NKD1: variants seen among roughly 807,000 people sequenced by gnomAD.
The protein encoded by NKD1 is protein naked cuticle homolog 1.
Under a neutral mutation model 56.0 loss-of-function variants are expected in NKD1, and 21 were observed. The observed-to-expected ratio is 0.38, with a 90% CI of 0.27 to 0.54. The LOEUF is 0.54. Ranked by LOEUF, NKD1 falls within the 20% of genes least tolerant of loss-of-function variation. The pLI is 0.82. For missense variants in NKD1, 578 were observed against 642.7 expected, an observed-to-expected ratio of 0.90 and a Z score of 1.09; for synonymous variants, 263 against 265.7, an observed-to-expected ratio of 0.99 and a Z score of 0.10.
Position 50,647,642 on chromosome 16 carries a change from AC to A in NKD1, c.*13864del, listed in dbSNP as rs1442701080. ...AGGGAGGGAGCTGAGGTATTTACCC[AC>A]CCATCCTTGTCAGTCATTGGTCAAG... On this transcript the variant is annotated 3_prime_UTR_variant, in exon 10 of 10. Coordinates refer to ENST00000268459, the MANE Select transcript of NKD1 (RefSeq NM_033119.5). 1 of 152,228 alleles carries A rather than the reference AC, an allele frequency of 6.6e-6. No individual in the cohort carries two copies. The highest frequency in any genetic ancestry group is 6.5e-5 in the Admixed American group (1 of 15,276). The allele number at this position is 152,228 out of a possible 1,614,324, so 9.4% of individuals were successfully genotyped here. A position where few individuals can be genotyped will look rare whatever the true frequency, so the allele number is the denominator to read the frequency against.
At chr16:50,630,715 G>A in intron 7 of NKD1, 111 bp from the exon 8 acceptor site, 1 of 906,496 alleles carries the variant, frequency 1.1e-6, no homozygotes, top group East Asian at 2.7e-5. Context: ...CCCCAGCTCA[G>A]GGAACCCTCC....
At chr16:50,630,032 C>T (rs113712040) in intron 6 of NKD1, among the ~76,000 whole-genome samples, 154 bp from the exon 7 acceptor site, 12 of 152,326 alleles carry the variant, frequency 7.9e-5, no homozygotes, top group African/African-American at 2.4e-4. Context: ...GATCTCCTCC[C>T]AAACGAACCT....
At chr16:50,573,156 GA>G (rs1322136142) in intron 3 of NKD1, among the ~76,000 whole-genome samples, 8 of 152,184 alleles carry the variant, frequency 5.3e-5, no homozygotes, top group African/African-American at 1.9e-4. Flanking sequence ...CCTCCAAGAA[GA>G]AAGTCCTTTC....
intron 3 of NKD1, among the ~76,000 whole-genome samples, chr16:50,589,458 G>A (rs559525321): frequency 2.0e-5 from 3 of 152,258 alleles, no homozygotes; most frequent in African/African-American, 7.2e-5. Context: ...GCCCTGAGGT[G>A]CTGCACGGTG....
At chr16:50,629,070 A>T (rs530479967) in intron 6 of NKD1, among the ~76,000 whole-genome samples, 1 of 150,992 alleles carries the variant, frequency 6.6e-6, no homozygotes. Context: ...GGCTCAAATG[A>T]TCCTCCCACC....
chr16:50,634,393 C>T lies in NKD1; in HGVS notation c.*612C>T, dbSNP rs1962423042. ...TTCCAGTGGGATCAAGCCCTTTTCC[C>T]CAAGAGTCCCATCTCTTCTGCCATG... is the stretch of plus-strand genomic sequence containing the variant. On this transcript the variant is annotated 3_prime_UTR_variant, in exon 10 of 10. Coordinates refer to ENST00000268459, the MANE Select transcript of NKD1 (RefSeq NM_033119.5). 1 of 152,508 alleles carries T rather than the reference C, an allele frequency of 6.6e-6. No homozygotes were observed. Among genetic ancestry groups the T allele is most frequent in the Non-Finnish European group, 1.5e-5 (1 of 68,044 alleles). The allele number at this position is 152,508 out of a possible 1,614,324, so 9.4% of individuals were successfully genotyped here.
In NKD1 at chr16:50,633,410, TC is replaced by T; in HGVS notation, c.1047del (p.Lys350ArgfsTer45). 1 of 1,612,880 alleles carries T rather than the reference TC, an allele frequency of 6.2e-7. No individual in the cohort carries two copies. The highest frequency in any genetic ancestry group is 8.5e-7 in the Non-Finnish European group (1 of 1,179,520). ...GGACGGGAGCAAGCACTTTGTGAGG[TC>T]CCCCAAGGCCCAGGGCAAGAGTGTG... ...TQDGSKHFVR[S>X]PKAQGKSVGV... On this transcript the variant is annotated frameshift_variant, in exon 10 of 10. Transcript: ENST00000268459. LOFTEE classifies it high-confidence loss of function. The surrounding 1 kb of genome is among the most constrained non-coding windows in gnomAD (Gnocchi z 4.9).
chr16:50,630,872 C>T lies in NKD1; in HGVS notation c.657C>T (p.Asp219=), dbSNP rs117249474. Residue 219 remains aspartate (D), a synonymous_variant, in exon 8 of 10, where the codon GAC becomes GAT. Coordinates refer to ENST00000268459, the MANE Select transcript of NKD1 (RefSeq NM_033119.5). ...RPRAETKPTE[D]LRSWEKKQRA... ...GAGCAGAGACCAAGCCCACTGAGGA[C>T]CTGCGGAGCTGGGAGAAGAAGCAGC... The T allele has an allele frequency of 1.8e-4, 297 of 1,606,702 alleles. No homozygotes were observed. The highest frequency in any genetic ancestry group is 5.0e-4 in the Middle Eastern group (3 of 6,048).
rs778288975 is a variant in NKD1, at chr16:50,643,016, C to T, written c.*9235C>T. On this transcript the variant is annotated 3_prime_UTR_variant, in exon 10 of 10. Coordinates refer to ENST00000268459, the MANE Select transcript of NKD1 (RefSeq NM_033119.5). Reference sequence around the variant, plus strand: ...GACTATGGGGGTGGCAGCTCTAAGTCCTACAAACAGTAGGGGTAGTGGTGG... The same window carrying T: ...GACTATGGGGGTGGCAGCTCTAAGTTCTACAAACAGTAGGGGTAGTGGTGG... The T allele has an allele frequency of 2.0e-5, 3 of 152,220 alleles. No individual in the cohort carries two copies. Among genetic ancestry groups the T allele is most frequent in the Non-Finnish European group, 4.4e-5 (3 of 68,068 alleles). 9.4% of individuals were successfully genotyped at this position (152,220 alleles called of 1,614,324 possible).
chr16:50,623,728 T>G lies in NKD1; in HGVS notation c.367-1757T>G, dbSNP rs546192964. ...CTGTCTTGGAAACAGGTAAGTGCTG[T>G]GTGTGTGTGTGTGTGTGTGTGTGTG... On this transcript the variant is annotated intron_variant, in intron 5 of 9. Coordinates refer to ENST00000268459, the MANE Select transcript of NKD1 (RefSeq NM_033119.5). This position sits in a 1 kb window ranked among gnomAD's most constrained non-coding sequence, Gnocchi z 4.1. Among the ~76,000 whole-genome samples the G allele has an allele frequency of 5.4e-3, 535 of 99,402 alleles. 1 individual carries two copies. Among genetic ancestry groups the G allele is most frequent in the Admixed American group, 8.7e-3 (88 of 10,170 alleles). The allele number at this position is 99,402 out of a possible 152,430, so 65.2% of individuals were successfully genotyped here.
intron 6 of NKD1, among the ~76,000 whole-genome samples, chr16:50,627,011 T>G (rs1444442348): frequency 6.6e-6 from 1 of 152,182 alleles, no homozygotes; most frequent in Non-Finnish European, 1.5e-5. Flanking sequence ...ATGTGAATTC[T>G]GGGTTAACAA....
intron 3 of NKD1, among the ~76,000 whole-genome samples, chr16:50,564,602 T>C (rs1360093575): frequency 1.3e-5 from 2 of 152,192 alleles, no homozygotes; most frequent in African/African-American, 4.8e-5. Flanking sequence ...GATTGGCACA[T>C]GGCAGATCCT....
rs1962132033 is a variant in NKD1, at chr16:50,623,189, G to A, written c.366+1481G>A. Among the ~76,000 whole-genome samples, 1 of 152,026 alleles carries A rather than the reference G, an allele frequency of 6.6e-6. No individual in the cohort carries two copies. The highest frequency in any genetic ancestry group is 1.5e-5 in the Non-Finnish European group (1 of 67,958). On this transcript the variant is annotated intron_variant, in intron 5 of 9. Transcript: ENST00000268459. This position sits in a 1 kb window ranked among gnomAD's most constrained non-coding sequence, Gnocchi z 4.1. ...GCCTGTGCTGGATGGTGGGACATGG[G>A]GGAGACGCCCTGTGTGCAGGGTCTC...
At chr16:50,572,908 C>T (rs927430034) in intron 3 of NKD1, 3 of 982,180 alleles carry the variant, frequency 3.1e-6, no homozygotes, top group Non-Finnish European at 3.6e-6. Flanking sequence ...CTGACCTGCC[C>T]CGTGCAGAAG....
In NKD1 at chr16:50,648,624, A is replaced by G. The variant is rs1027961410; in HGVS notation, c.*14843A>G. On this transcript the variant is annotated 3_prime_UTR_variant, in exon 10 of 10. Transcript: ENST00000268459. ...GGAAGCTAGTTGCTCCCCTGAATAC[A>G]CTCTTTCTTCCTTGTAATACAGCCT... The G allele has an allele frequency of 6.6e-6, 1 of 151,900 alleles. No individual in the cohort carries two copies. The highest frequency in any genetic ancestry group is 1.9e-4 in the East Asian group (1 of 5,188). The allele number at this position is 151,900 out of a possible 1,614,324, so 9.4% of individuals were successfully genotyped here.
intron 3 of NKD1, chr16:50,607,766 T>A (rs1961746147): frequency 6.4e-6 from 1 of 155,770 alleles, no homozygotes; most frequent in East Asian, 1.8e-4. Flanking sequence ...AGAATACCAA[T>A]AAATACAGAA....
intron 2 of NKD1, 106 bp downstream of exon 2, chr16:50,548,855 C>T: frequency 8.1e-7 from 1 of 1,230,076 alleles, no homozygotes. Flanking sequence ...CACCCCGAAG[C>T]CCCAGTTCCG....
At chr16:50,610,675 G>A (rs901987377) in intron 4 of NKD1, among the ~76,000 whole-genome samples, 6 of 152,210 alleles carry the variant, frequency 3.9e-5, no homozygotes, top group Non-Finnish European at 5.9e-5. Context: ...GGCCATCTGA[G>A]GCGTGAAGAT....
At chr16:50,562,989 C>T (rs56176219) in intron 3 of NKD1, among the ~76,000 whole-genome samples, 9 of 119,592 alleles carry the variant, frequency 7.5e-5, no homozygotes, top group African/African-American at 2.8e-4. Context: ...CACCACCACC[C>T]CCCCCCCCCG....
Sources: gnomAD v4.1 joint callset for allele counts (sites outside exome capture counted in the v4.1 genomes callset) on GRCh38, gnomAD v4.1.1 for gene constraint, Gnocchi (gnomAD v3.1) non-coding constraint, MANE v1.5 for transcripts, NCBI Gene and HGNC (gene_info 2026-07-23, HGNC 2026-07-21) for gene names.